The following IQCJ variants were observed in gnomAD, a reference collection of about 807,000 sequenced individuals.
The protein encoded by IQCJ is IQ motif containing J, also known as IQ domain-containing protein J.
IQCJ carries 9 observed loss-of-function variants against 11.0 expected under a neutral mutation model. The ratio of observed to expected loss-of-function variants is 0.82; its 90% confidence interval spans 0.49 to 1.43. The LOEUF (loss-of-function observed/expected upper bound fraction) is 1.43, where lower values mean the gene tolerates loss of function less well. Among genes scored for constraint, IQCJ ranks in the 40% most tolerant of loss-of-function variants. The probability of loss-of-function intolerance (pLI) is 0.00; values close to 1 mark genes in which losing one functional copy is unlikely to be tolerated. For missense variants in IQCJ, 146 were observed against 133.2 expected, an observed-to-expected ratio of 1.10 and a Z score of -0.47; for synonymous variants, 55 against 51.3, an observed-to-expected ratio of 1.07 and a Z score of -0.31.
chr3:159,154,936 C>T (rs1029091529), intron 1 of IQCJ, among the ~76,000 whole-genome samples: 1 of 152,064 alleles, frequency 6.6e-6, no homozygotes, highest in African/African-American at 2.4e-5. Context: ...TGTCTTCCAT[C>T]TTATTCTTTC....
At chr3:159,073,594 T>G (rs552684000) in intron 1 of IQCJ, among the ~76,000 whole-genome samples, 1 of 152,220 alleles carries the variant, frequency 6.6e-6, no homozygotes, top group East Asian at 1.9e-4. Context: ...AAATGTACTC[T>G]TTCAGTCTTA....
At chr3:159,154,853 A>C (rs1464032450) in intron 1 of IQCJ, among the ~76,000 whole-genome samples, 2 of 151,940 alleles carry the variant, frequency 1.3e-5, no homozygotes, top group East Asian at 3.9e-4. Context: ...TACATCGACT[A>C]CTTTTCTGAT....
chr3:159,138,489 C>T (rs1720423653), intron 1 of IQCJ, among the ~76,000 whole-genome samples: 1 of 152,194 alleles, frequency 6.6e-6, no homozygotes, highest in Non-Finnish European at 1.5e-5. Context: ...TTCTAGATCA[C>T]AATTCTGTGC....
chr3:159,069,363 T>A lies in IQCJ; in HGVS notation c.-70T>A. 6.4e-7 allele frequency: 1 copy of A among 1,564,414 alleles called. No homozygotes were observed. Among genetic ancestry groups the A allele is most frequent in the Non-Finnish European group, 8.6e-7 (1 of 1,158,686 alleles). Reference sequence around the variant, plus strand: ...CCACAGTCACATTGCGCTCTGTGATTCTGAGGAATACAGTGTGCCAGCATC... The same window carrying A: ...CCACAGTCACATTGCGCTCTGTGATACTGAGGAATACAGTGTGCCAGCATC... On this transcript the variant is annotated 5_prime_UTR_variant, in exon 1 of 4. Coordinates refer to ENST00000397832, the MANE Select transcript of IQCJ (RefSeq NM_001042706.3).
At chr3:159,105,405 A>G (rs984906872) in intron 1 of IQCJ, among the ~76,000 whole-genome samples, 2 of 152,156 alleles carry the variant, frequency 1.3e-5, no homozygotes, top group Non-Finnish European at 1.5e-5. Flanking sequence ...AGACTAATTC[A>G]TTAAGACAAT....
chr3:159,199,377 T>C (rs56256843), intron 1 of IQCJ, among the ~76,000 whole-genome samples: 43,422 of 151,972 alleles, frequency 0.29, 7,590 homozygotes, highest in African/African-American at 0.48. Flanking sequence ...CCAAGGAATG[T>C]AGGCAGCCAC....
At chr3:159,197,448 G>T (rs114928360) in intron 1 of IQCJ, among the ~76,000 whole-genome samples, 365 of 152,188 alleles carry the variant, frequency 2.4e-3, no homozygotes, top group African/African-American at 8.4e-3. Context: ...AGTTAAAGCT[G>T]GCTGAAACAC....
chr3:159,151,239 G>A (rs1277728876), intron 1 of IQCJ, among the ~76,000 whole-genome samples: 6 of 152,200 alleles, frequency 3.9e-5, no homozygotes, highest in Non-Finnish European at 5.9e-5. Context: ...GCCTGGTGGC[G>A]TGGGGAGCCA....
At chr3:159,109,537 A>AAC (rs1483883393) in intron 1 of IQCJ, among the ~76,000 whole-genome samples, 1 of 151,352 alleles carries the variant, frequency 6.6e-6, no homozygotes, top group South Asian at 2.1e-4. Flanking sequence ...TAAAAAAAAA[A>AAC]AAAAAAAAAC....
chr3:159,151,619 A>T (rs1300102484), intron 1 of IQCJ, among the ~76,000 whole-genome samples: 2 of 152,178 alleles, frequency 1.3e-5, no homozygotes, highest in Non-Finnish European at 2.9e-5. Flanking sequence ...AAACAAAAAA[A>T]CAAAATTTAA....
intron 1 of IQCJ, among the ~76,000 whole-genome samples, chr3:159,245,358 A>G (rs1184937596): frequency 2.6e-5 from 4 of 152,122 alleles, no homozygotes; most frequent in Admixed American, 6.5e-5. Flanking sequence ...GTAAAAAAAA[A>G]GTCACACAAT....
At chr3:159,073,639 C>T (rs1244989166) in intron 1 of IQCJ, among the ~76,000 whole-genome samples, 1 of 152,102 alleles carries the variant, frequency 6.6e-6, no homozygotes, top group Non-Finnish European at 1.5e-5. Context: ...CTCAGTGCAT[C>T]CTCCCACTAG....
chr3:159,259,712 A>G (rs893779297), intron 3 of IQCJ, among the ~76,000 whole-genome samples: 2 of 152,218 alleles, frequency 1.3e-5, no homozygotes, highest in African/African-American at 4.8e-5. Flanking sequence ...ATAACATAGC[A>G]TAGTTCCATC....
At chr3:159,245,781 G>T in intron 1 of IQCJ, 62 bp from the exon 2 acceptor site, 1 of 1,387,008 alleles carries the variant, frequency 7.2e-7, no homozygotes, top group South Asian at 1.3e-5. Context: ...AGTTATGCTT[G>T]AATAGCATTG....
At chr3:159,094,430 T>A (rs1717574791) in intron 1 of IQCJ, among the ~76,000 whole-genome samples, 2 of 146,222 alleles carry the variant, frequency 1.4e-5, no homozygotes, top group African/African-American at 5.1e-5. Flanking sequence ...TGCTTTTTTT[T>A]TTTTTTTTTT....
downstream of IQCJ, among the ~76,000 whole-genome samples, chr3:159,264,065 A>G (rs933914779): frequency 7.2e-5 from 11 of 152,340 alleles, no homozygotes; most frequent in Admixed American, 7.2e-4. Context: ...AGTGCAAATT[A>G]GATGACTTTT....
chr3:159,143,457 T>C (rs1720744369), intron 1 of IQCJ, among the ~76,000 whole-genome samples: 1 of 152,216 alleles, frequency 6.6e-6, no homozygotes. Context: ...TTCGTTGCTC[T>C]TTTCTTCATG....
At chr3:159,118,674 C>T (rs1310669230) in intron 1 of IQCJ, among the ~76,000 whole-genome samples, 2 of 152,170 alleles carry the variant, frequency 1.3e-5, no homozygotes, top group African/African-American at 2.4e-5. Flanking sequence ...GCTCTTACCC[C>T]GACCTCAGCT....
chr3:159,225,874 C>T (rs146706538), intron 1 of IQCJ, among the ~76,000 whole-genome samples: 17 of 152,330 alleles, frequency 1.1e-4, no homozygotes, highest in Middle Eastern at 3.4e-3. Context: ...GCCTGACCAG[C>T]TACAAACTGG....
Sources: allele counts gnomAD v4.1 joint callset (sites outside exome capture counted in the v4.1 genomes callset), GRCh38; gene constraint gnomAD v4.1.1; transcripts MANE v1.5; gene names NCBI Gene and HGNC (gene_info 2026-07-23, HGNC 2026-07-21).